The following GLS2 variants were observed in gnomAD, a reference collection of about 807,000 sequenced individuals.
GLS2 encodes glutaminase 2.
A neutral mutation model predicts 79.0 loss-of-function variants in GLS2; 52 were observed. The observed-to-expected ratio is 0.66, with a 90% CI of 0.53 to 0.83. The LOEUF (loss-of-function observed/expected upper bound fraction) is 0.83. GLS2 is among the 40% of genes least tolerant of loss of function. The pLI is 0.00. For missense variants in GLS2, 561 were observed against 764.8 expected, an observed-to-expected ratio of 0.73 and a Z score of 3.14; for synonymous variants, 238 against 280.8, an observed-to-expected ratio of 0.85 and a Z score of 1.52.
intron 16 of GLS2, 99 bp downstream of exon 16, chr12:56,472,020 C>T: frequency 3.6e-6 from 5 of 1,378,462 alleles, no homozygotes; most frequent in Non-Finnish European, 5.1e-6. Flanking sequence ...CTAGTTGCTG[C>T]CCCTATAACC....
chr12:56,480,034 T>C, intron 2 of GLS2, 133 bp from the exon 3 acceptor site: 1 of 1,241,658 alleles, frequency 8.1e-7, no homozygotes, highest in South Asian at 1.5e-5. Flanking sequence ...GTTTGGAGAA[T>C]AAGAAAGGAG....
At chr12:56,476,277 TTCA>T in intron 7 of GLS2, 1 of 361,932 alleles carries the variant, frequency 2.8e-6, no homozygotes, top group Non-Finnish European at 5.1e-6. Flanking sequence ...ATCCTCCCAC[TTCA>T]GCCTCCAAGT....
At position 56,473,594 on chromosome 12, in the gene GLS2, C is replaced by T. The variant is rs376451312; in HGVS notation, c.1225G>A (p.Val409Met). 3.1e-6 allele frequency: 5 copies of T among 1,609,534 alleles called. No homozygotes were observed. The highest frequency in any genetic ancestry group is 3.4e-6 in the Non-Finnish European group (4 of 1,178,302). The change falls in exon 13 of 18, where the codon GTG (valine) becomes ATG (methionine). Residue 409 changes from valine (V) to methionine (M), a missense_variant and splice_region_variant. Physicochemically the swap from Val to Met is conservative, Grantham distance 21 (BLOSUM62 1). Around this residue, in one of 4 missense-constraint regions of GLS2, gnomAD observed 221 missense variants for 275.6 expected, o/e 0.80. Transcript: ENST00000311966. ...ACAGCTGACTTGGCTGGCAGGCCCA[C>T]CTGGGGAACAGAACTGAAGCTGAGG... ...YDFSGQFAFH[V>M]GLPAKSAVSG...
At chr12:56,484,759 G>A (rs1413465911) in intron 1 of GLS2, among the ~76,000 whole-genome samples, 1 of 152,028 alleles carries the variant, frequency 6.6e-6, no homozygotes, top group East Asian at 1.9e-4. Flanking sequence ...TAATGTTGAG[G>A]GAAAACAAGC....
chr12:56,476,223 C>T, intron 7 of GLS2: 3 of 474,854 alleles, frequency 6.3e-6, no homozygotes, highest in Non-Finnish European at 1.1e-5. Flanking sequence ...AGTGCAGTGG[C>T]ACGATCATGG....
At chr12:56,472,005 T>G (rs1869319654) in intron 16 of GLS2, 114 bp downstream of exon 16, 1 of 1,323,552 alleles carries the variant, frequency 7.6e-7, no homozygotes, top group Non-Finnish European at 1.1e-6. Flanking sequence ...GGTGTCTAGA[T>G]AAAACTAGTT....
At chr12:56,487,841 T>A in intron 1 of GLS2, 96 bp downstream of exon 1, 1 of 1,352,610 alleles carries the variant, frequency 7.4e-7, no homozygotes, top group Non-Finnish European at 9.9e-7. Context: ...AGAGGGGAGA[T>A]GAGCGGCGCT....
chr12:56,483,557 G>A (rs1406312363), intron 1 of GLS2, among the ~76,000 whole-genome samples: 2 of 152,086 alleles, frequency 1.3e-5, no homozygotes, highest in African/African-American at 4.8e-5. Flanking sequence ...ACTAAAAGAA[G>A]CGTGCTGTAG....
intron 9 of GLS2, 35 bp from the exon 10 acceptor site, chr12:56,475,145 G>A: frequency 1.2e-6 from 2 of 1,613,288 alleles, no homozygotes; most frequent in Non-Finnish European, 8.5e-7. Context: ...CTTGAAGTTG[G>A]AGGAGTGGGT....
Position 56,471,418 on chromosome 12 carries a change from G to A in GLS2, c.*69C>T, listed in dbSNP as rs1869246118. The A allele has an allele frequency of 6.8e-7, 1 of 1,481,318 alleles. No homozygotes were observed. Among genetic ancestry groups the A allele is most frequent in the African/African-American group, 1.4e-5 (1 of 71,694 alleles). 91.8% of individuals were successfully genotyped at this position (1,481,318 alleles called of 1,614,324 possible). A position where few individuals can be genotyped will look rare whatever the true frequency, so the allele number is the denominator to read the frequency against. On this transcript the variant is annotated 3_prime_UTR_variant, in exon 18 of 18. Transcript: ENST00000311966. ...CAGTGTAGCTCTCCATAGTATTTTT[G>A]GTGGTTATGGATTACATGTGTGGCC... is the stretch of plus-strand genomic sequence containing the variant.
Position 56,480,216 on chromosome 12 carries a change from T to C in GLS2, c.282+72A>G, listed in dbSNP as rs1592280054. ...CAACCCATTAGCTGCCCTGCACTTG[T>C]CATACCCTCCTTTCCCCACTTTTCA... On this transcript the variant is annotated intron_variant, in intron 2 of 17. Coordinates refer to ENST00000311966, the MANE Select transcript of GLS2 (RefSeq NM_013267.4). 13 of 1,345,442 alleles carry C rather than the reference T, an allele frequency of 9.7e-6. No individual in the cohort carries two copies. The East Asian group carries it at 3.0e-4, about 31-fold the overall frequency. 83.3% of individuals were successfully genotyped at this position (1,345,442 alleles called of 1,614,324 possible).
Position 56,488,031 on chromosome 12 carries a change from G to A in GLS2, c.88C>T (p.Pro30Ser). 1.9e-6 allele frequency: 3 copies of A among 1,593,988 alleles called. No individual in the cohort carries two copies. Among genetic ancestry groups the A allele is most frequent in the South Asian group, 1.1e-5 (1 of 90,020 alleles). ...TGCCGGACGCCCCCGCCAAGGAGGG[G>A]GCTCCGGCTCGGGTGACCCCAGCCT... Reference protein sequence around the residue: ...RGGWGHPSRSPLLGGGVRHHL... With the variant: ...RGGWGHPSRSSLLGGGVRHHL... Residue 30 changes from proline (P) to serine (S), a missense_variant, in exon 1 of 18, where the codon CCC becomes TCC. Transcript: ENST00000311966.
chr12:56,475,383 A>G (rs1869713017), intron 9 of GLS2: 1 of 824,870 alleles, frequency 1.2e-6, no homozygotes, highest in Non-Finnish European at 1.8e-6. Context: ...TCTTGGCAAG[A>G]AAGGGCTTAG....
chr12:56,474,203 C>T (rs1482572749), intron 12 of GLS2: 2 of 308,814 alleles, frequency 6.5e-6, no homozygotes, highest in Admixed American at 4.8e-5. Context: ...AGCACTTCTG[C>T]CTCAGCCTCC....
intron 10 of GLS2, 68 bp from the exon 11 acceptor site, chr12:56,474,964 G>T: frequency 6.2e-7 from 1 of 1,613,724 alleles, no homozygotes; most frequent in Non-Finnish European, 8.5e-7. Flanking sequence ...CAGGGTCTCA[G>T]CTGAAGCCCC....
intron 12 of GLS2, chr12:56,474,155 C>G (rs1565702157): frequency 9.2e-6 from 2 of 216,676 alleles, no homozygotes; most frequent in Non-Finnish European, 1.8e-5. Flanking sequence ...TGCAATGGCA[C>G]AATCTCGGCT....
At chr12:56,472,861 T>C (rs1393074199) in intron 14 of GLS2, 110 bp from the exon 15 acceptor site, 8 of 843,028 alleles carry the variant, frequency 9.5e-6, no homozygotes, top group East Asian at 2.5e-5. Flanking sequence ...TGAAGTGTTA[T>C]GGAATGTGCT....
chr12:56,475,633 C>T lies in GLS2; in HGVS notation c.920G>A (p.Ser307Asn). The change falls in exon 9 of 18, where the codon AGC becomes AAC. Residue 307 changes from serine (S) to asparagine (N), a missense_variant. Around this residue, in one of 4 missense-constraint regions of GLS2, gnomAD observed 221 missense variants for 275.6 expected, o/e 0.80. Coordinates refer to ENST00000311966, the MANE Select transcript of GLS2 (RefSeq NM_013267.4). ...KMAGNEYMGF[S>N]NATFQSEKET... ...CTGAGTAGGGACTTACGTGGCATTG[C>T]TGAAACCCATGTATTCATTCCCAGC... The T allele has an allele frequency of 6.2e-7, 1 of 1,614,154 alleles. No individual in the cohort carries two copies.
intron 12 of GLS2, 185 bp from the exon 13 acceptor site, chr12:56,473,779 C>G (rs145174304): frequency 3.0e-6 from 2 of 665,558 alleles, no homozygotes; most frequent in Non-Finnish European, 4.7e-6. Context: ...TTCATTGATT[C>G]AGCTAGAAAA....
Sources: gnomAD v4.1 joint callset for allele counts (sites outside exome capture counted in the v4.1 genomes callset) on GRCh38, gnomAD v4.1.1 for gene constraint, gnomAD v4.1.1 regional missense constraint, MANE v1.5 for transcripts, NCBI Gene and HGNC (gene_info 2026-07-23, HGNC 2026-07-21) for gene names.